The following PHF3 variants were observed in gnomAD, a reference collection of about 807,000 sequenced individuals.
The protein encoded by PHF3 is PHD finger protein 3.
In PHF3, 41 loss-of-function variants were observed where a neutral mutation model predicts 178.4. The observed-to-expected ratio is 0.23, with a 90% CI of 0.18 to 0.30. The LOEUF (loss-of-function observed/expected upper bound fraction) is 0.30. Ranked by LOEUF, PHF3 falls within the 10% of genes least tolerant of loss-of-function variation. The pLI, the probability that PHF3 is intolerant of heterozygous loss-of-function variation, is 1.00. For missense variants in PHF3, 2,346 were observed against 2,398.1 expected, an observed-to-expected ratio of 0.98 and a Z score of 0.45; for synonymous variants, 842 against 800.5, an observed-to-expected ratio of 1.05 and a Z score of -0.88.
At chr6:63,688,320 C>T (rs1181680987) in intron 4 of PHF3, among the ~76,000 whole-genome samples, 2 of 7,366 alleles carry the variant, frequency 2.7e-4, no homozygotes, top group Non-Finnish European at 6.2e-4. Flanking sequence ...TCCCCTTCCC[C>T]CTCCCTTCCC....
At chr6:63,670,230 C>T (rs1296831401) in intron 2 of PHF3, among the ~76,000 whole-genome samples, 1 of 152,038 alleles carries the variant, frequency 6.6e-6, no homozygotes, top group Non-Finnish European at 1.5e-5. Flanking sequence ...ATGGGTTAGT[C>T]AACACTATGT....
chr6:63,653,129 T>G (rs1040377542), intron 2 of PHF3, among the ~76,000 whole-genome samples: 4 of 151,200 alleles, frequency 2.6e-5, no homozygotes, highest in African/African-American at 9.7e-5. Context: ...GGCATTGCAT[T>G]TTTTGCTCAG....
Position 63,646,762 on chromosome 6 carries a change from A to G in PHF3, c.211A>G (p.Asn71Asp). The change falls in exon 2 of 16, where the codon AAT becomes GAT. Residue 71 changes from asparagine to aspartate, a missense_variant. By Grantham distance (23) the Asn-to-Asp change is conservative. Coordinates refer to ENST00000262043, the MANE Select transcript of PHF3 (RefSeq NM_001370348.2). Reference protein sequence around the residue: ...NQFCLPVLDSNDPNFQMPCST... With the variant: ...NQFCLPVLDSDDPNFQMPCST... ...GTTCTGTTTGCCTGTTTTGGATAGCAATGATCCCAATTTCCAGATGCCTTG... is the reference window on the plus strand; with the variant it reads ...GTTCTGTTTGCCTGTTTTGGATAGCGATGATCCCAATTTCCAGATGCCTTG... The G allele has an allele frequency of 6.4e-7, 1 of 1,567,134 alleles. No homozygotes were observed. Among genetic ancestry groups the G allele is most frequent in the South Asian group, 1.2e-5 (1 of 84,298 alleles).
rs1764794161 is a variant in PHF3, at chr6:63,646,617, A to G, written c.66A>G (p.Leu22=). ...PTEHLDDALF[L]GSNLENEVCE... is the part of the protein sequence containing the mutation. Reference sequence around the variant, plus strand: ...AACACTTAGATGATGCCCTATTTCTAGGATCCAACCTGGAGAATGAAGTCT... The same window carrying G: ...AACACTTAGATGATGCCCTATTTCTGGGATCCAACCTGGAGAATGAAGTCT... The change falls in exon 2 of 16, where the codon CTA becomes CTG. Residue 22 remains leucine, a synonymous_variant. Transcript: ENST00000262043. 1 of 1,613,666 alleles carries G rather than the reference A, an allele frequency of 6.2e-7. No homozygotes were observed. Among genetic ancestry groups the G allele is most frequent in the Middle Eastern group, 1.7e-4 (1 of 6,060 alleles).
At chr6:63,659,358 T>C (rs988645903) in intron 2 of PHF3, among the ~76,000 whole-genome samples, 5 of 152,224 alleles carry the variant, frequency 3.3e-5, no homozygotes, top group African/African-American at 1.2e-4. Flanking sequence ...ATATATGTTG[T>C]CATGAAACTA....
intron 2 of PHF3, among the ~76,000 whole-genome samples, chr6:63,649,189 C>T (rs137972648): frequency 7.9e-5 from 12 of 151,932 alleles, no homozygotes; most frequent in South Asian, 2.1e-4. Context: ...AGCTATCCTC[C>T]GGCCTATGTC....
chr6:63,637,872 GGA>G (rs1454995368), intron 1 of PHF3, among the ~76,000 whole-genome samples: 1 of 152,034 alleles, frequency 6.6e-6, no homozygotes, highest in Non-Finnish European at 1.5e-5. Flanking sequence ...GCCAGTGATG[GGA>G]CCAAAGTTTG....
intron 2 of PHF3, among the ~76,000 whole-genome samples, chr6:63,671,931 G>C (rs796261504): frequency 1.1e-4 from 17 of 152,144 alleles, no homozygotes; most frequent in African/African-American, 4.1e-4. Context: ...ATTTTTAGTA[G>C]AGATGGGGTT....
chr6:63,697,605 G>A (rs1767287756), intron 6 of PHF3, among the ~76,000 whole-genome samples: 1 of 152,122 alleles, frequency 6.6e-6, no homozygotes. Context: ...CAACACACAT[G>A]TTTAAAAGAG....
At chr6:63,685,965 T>C in intron 4 of PHF3, 54 bp downstream of exon 4, 15 of 1,287,068 alleles carry the variant, frequency 1.2e-5, no homozygotes, top group Non-Finnish European at 1.6e-5. Context: ...AATTGCTTTT[T>C]TGGGGGTGGG....
Position 63,721,631 on chromosome 6 carries a change from A to G in PHF3, c.*7923A>G, listed in dbSNP as rs1389008125. On this transcript the variant is annotated 3_prime_UTR_variant, in exon 16 of 16. Transcript: ENST00000262043. Reference sequence around the variant, plus strand: ...AGGCCTTTTCTGTTACATTTATCCCATCTAGATCCAGGTAGCCTTCTGCAC... The same window carrying G: ...AGGCCTTTTCTGTTACATTTATCCCGTCTAGATCCAGGTAGCCTTCTGCAC... 3 of 1,551,218 alleles carry G rather than the reference A, an allele frequency of 1.9e-6. No individual in the cohort carries two copies. The highest frequency in any genetic ancestry group is 2.6e-6 in the Non-Finnish European group (3 of 1,146,608).
At chr6:63,650,389 T>C (rs7751755) in intron 2 of PHF3, among the ~76,000 whole-genome samples, 5,665 of 152,236 alleles carry the variant, frequency 0.037, 183 homozygotes, top group South Asian at 0.11. Flanking sequence ...ATCCCAAATA[T>C]TTGGGAAGAG....
chr6:63,669,992 G>C (rs1219751442), intron 2 of PHF3, among the ~76,000 whole-genome samples: 1 of 151,648 alleles, frequency 6.6e-6, no homozygotes, highest in East Asian at 1.9e-4. Context: ...TTTCTATTAA[G>C]GTTCATATCT....
chr6:63,644,634 A>C (rs942881990), intron 1 of PHF3, among the ~76,000 whole-genome samples: 2 of 152,196 alleles, frequency 1.3e-5, no homozygotes, highest in African/African-American at 4.8e-5. Context: ...CAGTGTAAAT[A>C]AATGGAAAAA....
intron 14 of PHF3, 38 bp downstream of exon 14, chr6:63,709,278 A>G: frequency 1.5e-6 from 2 of 1,295,760 alleles, no homozygotes; most frequent in Non-Finnish European, 2.2e-6. Context: ...GCATGGGAAA[A>G]TGTTTAGAAA....
rs1223048675 is a variant in PHF3 at position 63,694,624 on chromosome 6, A to C, written c.2540A>C (p.Glu847Ala). Residue 847 changes from glutamate (E) to alanine (A), a missense_variant, in exon 6 of 16, where the codon GAA becomes GCA. Physicochemically the swap from Glu to Ala is moderately radical, Grantham distance 107. Around this residue, in one of 8 missense-constraint regions of PHF3, gnomAD observed 252 missense variants for 232.0 expected, o/e 1.09. Coordinates refer to ENST00000262043, the MANE Select transcript of PHF3 (RefSeq NM_001370348.2). ...GRNSSDCRDNEIKKWQLAPLR... is the reference protein window; with the variant it reads ...GRNSSDCRDNAIKKWQLAPLR... ...AATTCATCAGACTGTAGAGATAATGAAATTAAAAAATGGCAGCTAGCTCCT... is the reference window on the plus strand; with the variant it reads ...AATTCATCAGACTGTAGAGATAATGCAATTAAAAAATGGCAGCTAGCTCCT... The C allele has an allele frequency of 1.3e-6, 2 of 1,583,354 alleles. No homozygotes were observed. The highest frequency in any genetic ancestry group is 1.7e-6 in the Non-Finnish European group (2 of 1,163,508).
Position 63,720,743 on chromosome 6 carries a change from T to C in PHF3, c.*7035T>C. On this transcript the variant is annotated 3_prime_UTR_variant, in exon 16 of 16. Coordinates refer to ENST00000262043, the MANE Select transcript of PHF3 (RefSeq NM_001370348.2). ...TAAAAATCTCTTGAGTAACGATATTTACCTTTCTACCATATTCAAAGCCCC... is the reference window on the plus strand; with the variant it reads ...TAAAAATCTCTTGAGTAACGATATTCACCTTTCTACCATATTCAAAGCCCC... 6.5e-7 allele frequency: 1 copy of C among 1,549,712 alleles called. No homozygotes were observed. The highest frequency in any genetic ancestry group is 1.2e-5 in the South Asian group (1 of 83,720).
rs1346076554 is a variant in PHF3, at chr6:63,724,235, TC to T, written c.*10530del. The stretch of plus-strand genomic sequence containing the variant: ...CCCACTCAACCATGGCTGAGGCTTC[TC>T]CCACCTTTGTTCTGCTATTGTTTCT... On this transcript the variant is annotated 3_prime_UTR_variant, in exon 16 of 16. Transcript: ENST00000262043. Among the ~76,000 whole-genome samples, 9 of 152,178 alleles carry T rather than the reference TC, an allele frequency of 5.9e-5. No individual in the cohort carries two copies. The highest frequency in any genetic ancestry group is 1.9e-4 in the African/African-American group (8 of 41,444).
rs899584396 is a variant in PHF3 at position 63,724,351 on chromosome 6, A to G, written c.*10643A>G. Among the ~76,000 whole-genome samples the G allele has an allele frequency of 1.3e-5, 2 of 152,340 alleles. No individual in the cohort carries two copies. The highest frequency in any genetic ancestry group is 2.1e-4 in the South Asian group (1 of 4,832). On this transcript the variant is annotated 3_prime_UTR_variant, in exon 16 of 16. Coordinates refer to ENST00000262043, the MANE Select transcript of PHF3 (RefSeq NM_001370348.2). ...TTTGTGAAGAGACTACAGAATCAGCATATCAGGGGAATTGTATATACATTT... is the reference window on the plus strand; with the variant it reads ...TTTGTGAAGAGACTACAGAATCAGCGTATCAGGGGAATTGTATATACATTT...
Sources: allele counts gnomAD v4.1 joint callset (sites outside exome capture counted in the v4.1 genomes callset), GRCh38; gene constraint gnomAD v4.1.1; regional missense constraint gnomAD v4.1.1; transcripts MANE v1.5; gene names NCBI Gene and HGNC (gene_info 2026-07-23, HGNC 2026-07-21).